The following MTUS2 variants were observed in gnomAD, a reference collection of about 807,000 sequenced individuals.
The protein encoded by MTUS2 is microtubule associated scaffold protein 2, also known as microtubule-associated tumor suppressor candidate 2.
MTUS2 carries 40 observed loss-of-function variants against 114.1 expected under a neutral mutation model. The ratio of observed to expected loss-of-function variants is 0.35; its 90% confidence interval spans 0.27 to 0.46. The LOEUF is 0.46. Among genes scored for constraint, MTUS2 ranks in the 20% least tolerant of loss-of-function variants. MTUS2 has a pLI of 1.00. For missense variants in MTUS2, 1,679 were observed against 1,705.4 expected (o/e 0.98, Z 0.27); for synonymous variants, 688 against 672.0 (o/e 1.02, Z -0.37).
intron 2 of MTUS2, among the ~76,000 whole-genome samples, chr13:28,883,671 A>G (rs1039730179): frequency 3.3e-5 from 5 of 152,150 alleles, no homozygotes; most frequent in Admixed American, 6.6e-5. Flanking sequence ...ATAAAGGGGT[A>G]GCAGGAGGAG....
At chr13:29,078,279 C>G (rs1889287515) in intron 4 of MTUS2, among the ~76,000 whole-genome samples, 1 of 152,122 alleles carries the variant, frequency 6.6e-6, no homozygotes, top group African/African-American at 2.4e-5. Flanking sequence ...TTAGAAGAGT[C>G]TTTGATCTGC....
intron 5 of MTUS2, among the ~76,000 whole-genome samples, chr13:29,183,983 T>C (rs1032692299): frequency 6.0e-4 from 91 of 152,324 alleles, no homozygotes; most frequent in Non-Finnish European, 4.1e-4. Flanking sequence ...TTTTTGCCTA[T>C]TTACTTACCA....
intron 5 of MTUS2, among the ~76,000 whole-genome samples, chr13:29,266,608 A>T (rs115288640): frequency 1.4e-3 from 218 of 152,342 alleles, no homozygotes; most frequent in African/African-American, 4.9e-3. Context: ...GAAAATGATC[A>T]TACTATATTA....
chr13:29,059,844 A>G (rs757094639), intron 4 of MTUS2, among the ~76,000 whole-genome samples: 20 of 152,340 alleles, frequency 1.3e-4, no homozygotes, highest in Admixed American at 4.6e-4. Flanking sequence ...TTGCCCATCT[A>G]GCTACCACTG....
intron 2 of MTUS2, among the ~76,000 whole-genome samples, chr13:28,862,756 C>G (rs1355898387): frequency 6.6e-6 from 1 of 152,026 alleles, no homozygotes; most frequent in Non-Finnish European, 1.5e-5. Flanking sequence ...TGAAAGTGAT[C>G]ATTTTGAAGA....
chr13:29,365,268 G>A (rs768803227), intron 8 of MTUS2, among the ~76,000 whole-genome samples: 1 of 152,158 alleles, frequency 6.6e-6, no homozygotes, highest in East Asian at 1.9e-4. Context: ...GGCCTGTGGT[G>A]TCAGTTGTGC....
chr13:29,001,834 A>G (rs759887896), intron 2 of MTUS2, among the ~76,000 whole-genome samples: 14 of 151,898 alleles, frequency 9.2e-5, no homozygotes, highest in Non-Finnish European at 1.5e-4. Flanking sequence ...CAGGAGTGTC[A>G]AAGTCAGAGG....
At chr13:29,442,365 A>G (rs1242552697) in intron 9 of MTUS2, among the ~76,000 whole-genome samples, 1 of 152,242 alleles carries the variant, frequency 6.6e-6, no homozygotes, top group Non-Finnish European at 1.5e-5. Context: ...AAAACTGAAC[A>G]TAAATGGAAA....
In MTUS2 at chr13:29,434,576, G is replaced by A. The variant is rs1406339432; in HGVS notation, c.3118-5407G>A. ...TGAAAGCACCTCAGATTTACCCAGC[G>A]TTCAGTTTTAGTAGTAAATAGCTGT... On this transcript the variant is annotated intron_variant, in intron 8 of 15. Coordinates refer to ENST00000612955, the MANE Select transcript of MTUS2 (RefSeq NM_001033602.4). 3.3e-5 allele frequency among the ~76,000 whole-genome samples: 5 copies of A among 152,270 alleles called. 1 individual carries two copies. In the South Asian group the frequency reaches 1.0e-3, roughly 32 times the overall value.
rs374488901 is a variant in MTUS2 at position 29,104,278 on chromosome 13, C to T, written c.2644+3308C>T. ...AGGTATCTTACCATCCAGTTTACCA[C>T]CCATTTTACAGCTGAGCAAACTGAG... On this transcript the variant is annotated intron_variant, in intron 5 of 15. Coordinates refer to ENST00000612955, the MANE Select transcript of MTUS2 (RefSeq NM_001033602.4). 3.9e-5 allele frequency among the ~76,000 whole-genome samples: 6 copies of T among 152,230 alleles called. No individual in the cohort carries two copies. In the East Asian group the frequency reaches 9.7e-4, roughly 25 times the overall value.
chr13:28,914,473 ACTT>A (rs759084644), intron 2 of MTUS2, among the ~76,000 whole-genome samples: 16 of 151,870 alleles, frequency 1.1e-4, no homozygotes, highest in South Asian at 2.1e-4. Context: ...TTATGATTTC[ACTT>A]CTTTTCCATT....
chr13:28,895,974 T>C (rs1458585595), intron 2 of MTUS2, among the ~76,000 whole-genome samples: 2 of 152,222 alleles, frequency 1.3e-5, no homozygotes, highest in African/African-American at 4.8e-5. Context: ...TGATTAATTT[T>C]AAATCTATTT....
chr13:29,073,726 C>G (rs1889051947), intron 4 of MTUS2, among the ~76,000 whole-genome samples: 1 of 152,080 alleles, frequency 6.6e-6, no homozygotes, highest in African/African-American at 2.4e-5. Context: ...GGGAGTAACC[C>G]TACAGGCTGA....
At position 29,100,834 on chromosome 13, in the gene MTUS2, C is replaced by A; in HGVS notation, c.2508C>A (p.Leu836=). ...AATCCAATCTCCCGAAATCTGGTCT[C>A]CGTCCTCCCGGATACTCACGTCTCC... The part of the protein sequence containing the change: ...AAKSNLPKSG[L]RPPGYSRLPA... The change falls in exon 5 of 16, where the codon CTC becomes CTA. Residue 836 remains leucine (L), a synonymous_variant. Coordinates refer to ENST00000612955, the MANE Select transcript of MTUS2 (RefSeq NM_001033602.4). 3.2e-6 allele frequency: 5 copies of A among 1,551,858 alleles called. No individual in the cohort carries two copies. Among genetic ancestry groups the A allele is most frequent in the Non-Finnish European group, 4.4e-6 (5 of 1,147,070 alleles).
At chr13:29,431,533 G>A (rs1420605403) in intron 8 of MTUS2, among the ~76,000 whole-genome samples, 2 of 152,200 alleles carry the variant, frequency 1.3e-5, no homozygotes, top group African/African-American at 4.8e-5. Context: ...TTAAGTGAAA[G>A]TTATGCGGTA....
chr13:29,487,600 C>T (rs755012782), intron 10 of MTUS2: 39 of 405,526 alleles, frequency 9.6e-5, no homozygotes, highest in Non-Finnish European at 1.6e-4. Flanking sequence ...GGTGCAAGCG[C>T]GTGGACAAGC....
intron 2 of MTUS2, among the ~76,000 whole-genome samples, chr13:28,937,425 C>T (rs779853710): frequency 2.0e-5 from 3 of 152,116 alleles, no homozygotes; most frequent in Admixed American, 6.5e-5. Flanking sequence ...CAGCCATCAG[C>T]GGCAACCCGC....
chr13:29,178,547 A>G (rs1213093468), intron 5 of MTUS2, among the ~76,000 whole-genome samples: 1 of 152,142 alleles, frequency 6.6e-6, no homozygotes, highest in Non-Finnish European at 1.5e-5. Flanking sequence ...GATTAGCAAC[A>G]TCCCTGGCCA....
At chr13:29,257,017 A>C (rs1247380178) in intron 5 of MTUS2, among the ~76,000 whole-genome samples, 1 of 152,164 alleles carries the variant, frequency 6.6e-6, no homozygotes, top group Admixed American at 6.5e-5. Context: ...ATTCTTTACT[A>C]TATACATATA....
Sources: gnomAD v4.1 joint callset for allele counts (sites outside exome capture counted in the v4.1 genomes callset) on GRCh38, gnomAD v4.1.1 for gene constraint, MANE v1.5 for transcripts, NCBI Gene and HGNC (gene_info 2026-07-23, HGNC 2026-07-21) for gene names.